Variants in GAPVD1 observed in about 807,000 individuals in gnomAD.
The protein encoded by GAPVD1 is GTPase-activating protein and VPS9 domain-containing protein 1.
GAPVD1 carries 35 observed loss-of-function variants against 155.5 expected under a neutral mutation model. The observed-to-expected ratio is 0.23, with a 90% CI of 0.17 to 0.30. The LOEUF is 0.30. Ranked by LOEUF, GAPVD1 falls within the 10% of genes least tolerant of loss-of-function variation. The pLI is 1.00. For missense variants in GAPVD1, 1,429 were observed against 1,775.7 expected (o/e 0.80, Z 3.51); for synonymous variants, 636 against 619.7 (o/e 1.03, Z -0.39).
rs1048946548 is a variant in GAPVD1 at position 125,364,931 on chromosome 9, A to AT, written c.*2195dup. The AT allele has an allele frequency of 9.9e-5, 15 of 151,510 alleles. No individual in the cohort carries two copies. The highest frequency in any genetic ancestry group is 6.3e-4 in the South Asian group (3 of 4,784). The allele number at this position is 151,510 out of a possible 1,614,324, so 9.4% of individuals were successfully genotyped here. A position where few individuals can be genotyped will look rare whatever the true frequency, so the allele number is the denominator to read the frequency against. ...GATTTAACTCATAAACCAATGAGAG[A>AT]TTTTTTTTTTCTCTGCAATGGTTGC... is the stretch of plus-strand genomic sequence containing the variant. On this transcript the variant is annotated 3_prime_UTR_variant, in exon 28 of 28. Coordinates refer to ENST00000297933, the MANE Select transcript of GAPVD1 (RefSeq NM_001282680.3).
At position 125,272,436 on chromosome 9, in the gene GAPVD1, G is replaced by T. The variant is rs146426766; in HGVS notation, c.-150+3452G>T. Among the ~76,000 whole-genome samples the T allele has an allele frequency of 5.3e-5, 8 of 152,244 alleles. No homozygotes were observed. The East Asian group carries it at 1.5e-3, about 29-fold the overall frequency. On this transcript the variant is annotated intron_variant, in intron 2 of 27. Coordinates refer to ENST00000297933, the MANE Select transcript of GAPVD1 (RefSeq NM_001282680.3). ...AAAGTCCTTTTAATATCTAACTATT[G>T]CAGGTTGTGATAGGCCAACTTGGAT... is the stretch of plus-strand genomic sequence containing the variant.
At chr9:125,267,050 C>T (rs1159061499) in intron 1 of GAPVD1, among the ~76,000 whole-genome samples, 5 of 152,148 alleles carry the variant, frequency 3.3e-5, no homozygotes, top group Admixed American at 6.6e-5. Context: ...CCACTGTACC[C>T]GGCAGGCTTT....
At chr9:125,327,756 G>A (rs1198914003) in intron 12 of GAPVD1, among the ~76,000 whole-genome samples, 1 of 152,012 alleles carries the variant, frequency 6.6e-6, no homozygotes, top group African/African-American at 2.4e-5. Flanking sequence ...CATCCGCCTC[G>A]GCCTCCCAAA....
At chr9:125,316,338 C>A (rs1843422861) in intron 9 of GAPVD1, among the ~76,000 whole-genome samples, 1 of 152,114 alleles carries the variant, frequency 6.6e-6, no homozygotes, top group African/African-American at 2.4e-5. Context: ...AACCCCCTAC[C>A]CCTGCGACAG....
chr9:125,283,027 T>TA (rs1491118944), intron 2 of GAPVD1, among the ~76,000 whole-genome samples: 39 of 140,710 alleles, frequency 2.8e-4, no homozygotes, highest in Admixed American at 8.7e-4. Context: ...TTTATTTTTA[T>TA]TTTTATTTAT....
intron 13 of GAPVD1, among the ~76,000 whole-genome samples, chr9:125,330,431 G>A (rs1314277999): frequency 6.6e-6 from 1 of 151,172 alleles, no homozygotes; most frequent in African/African-American, 2.4e-5. Context: ...CAGTCTTCTC[G>A]CCTCAGCCTC....
Position 125,274,121 on chromosome 9 carries a change from G to A in GAPVD1, c.-150+5137G>A, listed in dbSNP as rs537972252. Among the ~76,000 whole-genome samples, 32 of 151,938 alleles carry A rather than the reference G, an allele frequency of 2.1e-4. 1 individual carries two copies. The South Asian group carries it at 4.6e-3, about 22-fold the overall frequency. ...CAACCTCTGCCTCCCCGGTTCAAGCGATTTTCCTGCCTCAGCCTCCCAAGT... is the reference window on the plus strand; with the variant it reads ...CAACCTCTGCCTCCCCGGTTCAAGCAATTTTCCTGCCTCAGCCTCCCAAGT... On this transcript the variant is annotated intron_variant, in intron 2 of 27. Coordinates refer to ENST00000297933, the MANE Select transcript of GAPVD1 (RefSeq NM_001282680.3).
chr9:125,349,718 G>A (rs13298530), intron 21 of GAPVD1, among the ~76,000 whole-genome samples, 199 bp downstream of exon 21: 4 of 148,712 alleles, frequency 2.7e-5, no homozygotes, highest in African/African-American at 7.9e-5. Flanking sequence ...TAAAAAACTC[G>A]CTGGGCGTGG....
chr9:125,283,966 G>T (rs1239405518), intron 2 of GAPVD1, among the ~76,000 whole-genome samples: 1 of 150,702 alleles, frequency 6.6e-6, no homozygotes, highest in African/African-American at 2.4e-5. Context: ...TCTGCCTCCC[G>T]GGTTCAAGTG....
intron 11 of GAPVD1, among the ~76,000 whole-genome samples, chr9:125,324,482 G>A (rs1844848294): frequency 1.3e-5 from 2 of 152,086 alleles, no homozygotes; most frequent in Admixed American, 1.3e-4. Flanking sequence ...CCAGCTACTC[G>A]GGAGGCTGAG....
chr9:125,279,661 T>G (rs1193602151), intron 2 of GAPVD1, among the ~76,000 whole-genome samples: 1 of 151,240 alleles, frequency 6.6e-6, no homozygotes, highest in Non-Finnish European at 1.5e-5. Context: ...TCTGCCAAAG[T>G]GTAGGCATCG....
At chr9:125,269,650 C>G (rs1001148978) in intron 2 of GAPVD1, among the ~76,000 whole-genome samples, 1 of 147,688 alleles carries the variant, frequency 6.8e-6, no homozygotes, top group Non-Finnish European at 1.5e-5. Context: ...GTCTTGAACT[C>G]GTGACCTCTG....
chr9:125,312,637 T>C (rs780156111), intron 9 of GAPVD1, 25 bp downstream of exon 9: 1 of 1,546,066 alleles, frequency 6.5e-7, no homozygotes, highest in East Asian at 2.3e-5. Flanking sequence ...CTTCTATAAA[T>C]CAATATTCAT....
rs74409538 is a variant in GAPVD1 at position 125,354,266 on chromosome 9, C to T, written c.3570-388C>T. 3.9e-5 allele frequency among the ~76,000 whole-genome samples: 6 copies of T among 152,276 alleles called. No homozygotes were observed. In the East Asian group the frequency reaches 1.2e-3, roughly 29 times the overall value. On this transcript the variant is annotated intron_variant, in intron 23 of 27. Coordinates refer to ENST00000297933, the MANE Select transcript of GAPVD1 (RefSeq NM_001282680.3). ...TGTTTGTGACCTAGTGACATATAAC[C>T]TGTATTTGTTGTTATTGTTGGTCAT...
intron 8 of GAPVD1, 117 bp from the exon 9 acceptor site, chr9:125,312,334 TA>T: frequency 1.6e-6 from 1 of 633,980 alleles, no homozygotes; most frequent in East Asian, 3.2e-5. Flanking sequence ...TTATATTTTT[TA>T]CCACTCTTGT....
intron 2 of GAPVD1, among the ~76,000 whole-genome samples, chr9:125,269,766 G>A (rs1834587946): frequency 1.4e-5 from 2 of 139,684 alleles, no homozygotes; most frequent in Admixed American, 1.6e-4. Flanking sequence ...TGCCCAGGCT[G>A]GAGTACAGTG....
At chr9:125,324,581 C>T (rs1345752652) in intron 11 of GAPVD1, among the ~76,000 whole-genome samples, 1 of 151,968 alleles carries the variant, frequency 6.6e-6, no homozygotes, top group Non-Finnish European at 1.5e-5. Context: ...AAGAGTAAAA[C>T]TCCGTCTCAA....
At chr9:125,348,208 A>T (rs1848779212) in intron 20 of GAPVD1, among the ~76,000 whole-genome samples, 1 of 152,024 alleles carries the variant, frequency 6.6e-6, no homozygotes, top group Admixed American at 6.6e-5. Flanking sequence ...AGCACGTTCC[A>T]CTGTGCCCAG....
At chr9:125,339,140 C>T (rs1456943475) in intron 17 of GAPVD1, among the ~76,000 whole-genome samples, 1 of 152,116 alleles carries the variant, frequency 6.6e-6, no homozygotes, top group African/African-American at 2.4e-5. Flanking sequence ...CACCACATGC[C>T]TGGCTAATTT....
Sources: gnomAD v4.1 joint callset for allele counts (sites outside exome capture counted in the v4.1 genomes callset) on GRCh38, gnomAD v4.1.1 for gene constraint, MANE v1.5 for transcripts, NCBI Gene and HGNC (gene_info 2026-07-23, HGNC 2026-07-21) for gene names.